Variants in TMEM132B observed in about 807,000 individuals in gnomAD.
The protein encoded by TMEM132B is transmembrane protein 132B.
In TMEM132B, 18 loss-of-function variants were observed where a neutral mutation model predicts 90.8. The observed-to-expected ratio is 0.20, with a 90% confidence interval of 0.14 to 0.29. TMEM132B has a LOEUF of 0.29. Among genes scored for constraint, TMEM132B ranks in the 10% least tolerant of loss-of-function variants. The pLI, the probability that TMEM132B is intolerant of heterozygous loss-of-function variation, is 1.00. For synonymous variants in TMEM132B, 504 were observed against 523.3 expected, an observed-to-expected ratio of 0.96 and a Z score of 0.50; for missense variants, 1,096 against 1,326.8, an observed-to-expected ratio of 0.83 and a Z score of 2.70.
At chr12:125,380,247 C>G (rs1489995362) in intron 2 of TMEM132B, among the ~76,000 whole-genome samples, 1 of 152,064 alleles carries the variant, frequency 6.6e-6, no homozygotes, top group Non-Finnish European at 1.5e-5. Context: ...CTTGGAGATC[C>G]CTGGCTTGTG....
intron 1 of TMEM132B, among the ~76,000 whole-genome samples, chr12:125,345,222 T>C (rs991466300): frequency 6.6e-6 from 1 of 152,120 alleles, no homozygotes; most frequent in African/African-American, 2.4e-5. Flanking sequence ...TTGTGTGAAT[T>C]AGAGGAGACT....
Position 125,190,282 on chromosome 12 carries a change from A to T in TMEM132B, c.67+3416A>T, listed in dbSNP as rs369635290. Reference sequence around the variant, plus strand: ...TAGGGAACTGTGACTCCATACAAGGATCCCAAGGTCATGAGAATGACAGCC... The same window carrying T: ...TAGGGAACTGTGACTCCATACAAGGTTCCCAAGGTCATGAGAATGACAGCC... On this transcript the variant is annotated intron_variant, in intron 1 of 8. Transcript: ENST00000682704. Among the ~76,000 whole-genome samples the T allele has an allele frequency of 4.3e-4, 66 of 152,300 alleles. 1 individual carries two copies. The South Asian group carries it at 0.012, about 28-fold the overall frequency.
Position 125,458,059 on chromosome 12 carries a change from G to C in TMEM132B, c.1106+42382G>C, listed in dbSNP as rs1881340950. Among the ~76,000 whole-genome samples, 1 of 152,120 alleles carries C rather than the reference G, an allele frequency of 6.6e-6. No individual in the cohort carries two copies. The highest frequency in any genetic ancestry group is 2.4e-5 in the African/African-American group (1 of 41,428). On this transcript the variant is annotated intron_variant, in intron 3 of 8. Transcript: ENST00000682704. The surrounding 1 kb of genome is among the most constrained non-coding windows in gnomAD (Gnocchi z 4.9). ...GGTTTGAAGAAGGAGGCAGAGGGTG[G>C]TCATGAGGCAAGGTGAGTAAGGTGT...
At chr12:125,648,530 G>GTTTT (rs60114108) in intron 6 of TMEM132B, among the ~76,000 whole-genome samples, 1 of 132,506 alleles carries the variant, frequency 7.5e-6, no homozygotes, top group Non-Finnish European at 1.7e-5. Flanking sequence ...AAGATCTCCT[G>GTTTT]TTTTTTTTTT....
chr12:125,432,745 C>T (rs79411961), intron 3 of TMEM132B, among the ~76,000 whole-genome samples: 15,383 of 151,870 alleles, frequency 0.1, 903 homozygotes, highest in Middle Eastern at 0.2. Flanking sequence ...AACTGACAAG[C>T]ACTGGCTCAT....
At chr12:125,623,692 AT>A (rs1886165366) in intron 5 of TMEM132B, among the ~76,000 whole-genome samples, 1 of 152,094 alleles carries the variant, frequency 6.6e-6, no homozygotes, top group Admixed American at 6.5e-5. Flanking sequence ...TAATCATTGT[AT>A]TTTACAATAT....
chr12:125,288,616 T>C (rs1245524573), intron 1 of TMEM132B, among the ~76,000 whole-genome samples: 1 of 152,172 alleles, frequency 6.6e-6, no homozygotes, highest in African/African-American at 2.4e-5. Context: ...ATTCTTGGAA[T>C]CACATCTAGG....
At chr12:125,363,338 A>T (rs1178695875) in intron 2 of TMEM132B, among the ~76,000 whole-genome samples, 1 of 152,140 alleles carries the variant, frequency 6.6e-6, no homozygotes, top group Non-Finnish European at 1.5e-5. Flanking sequence ...TGAAGCCCTG[A>T]TGGGTACAGT....
chr12:125,548,291 G>A (rs1476528544), intron 4 of TMEM132B, among the ~76,000 whole-genome samples: 1 of 152,164 alleles, frequency 6.6e-6, no homozygotes, highest in Non-Finnish European at 1.5e-5. Context: ...CCATTGGAGG[G>A]TCAGGAAATA....
rs200125483 is a variant in TMEM132B, at chr12:125,348,215, G to A, written c.68-1237G>A. Among the ~76,000 whole-genome samples, 5 of 135,742 alleles carry A rather than the reference G, an allele frequency of 3.7e-5. No homozygotes were observed. The East Asian group carries it at 1.1e-3, about 29-fold the overall frequency. 89.1% of individuals were successfully genotyped at this position (135,742 alleles called of 152,430 possible). A position where few individuals can be genotyped will look rare whatever the true frequency, so the allele number is the denominator to read the frequency against. ...AGAAATAGTTTCATATTATTCCACT[G>A]TAAATGTTTAGTTTCCTGTTGATCA... On this transcript the variant is annotated intron_variant, in intron 1 of 8. Coordinates refer to ENST00000682704, the MANE Select transcript of TMEM132B (RefSeq NM_001366854.1).
intron 1 of TMEM132B, among the ~76,000 whole-genome samples, chr12:125,275,955 C>A (rs764890282): frequency 7.2e-5 from 11 of 152,160 alleles, no homozygotes; most frequent in Non-Finnish European, 1.3e-4. Flanking sequence ...CTTAAGCAAT[C>A]CTCCTGCCTC....
At chr12:125,308,804 G>A (rs541308416) in intron 1 of TMEM132B, among the ~76,000 whole-genome samples, 1 of 152,044 alleles carries the variant, frequency 6.6e-6, no homozygotes, top group South Asian at 2.1e-4. Context: ...AAACATTGAA[G>A]TTCTCTTTTG....
intron 5 of TMEM132B, among the ~76,000 whole-genome samples, chr12:125,603,908 G>A (rs951173048): frequency 1.3e-5 from 2 of 152,178 alleles, no homozygotes; most frequent in Admixed American, 6.5e-5. Flanking sequence ...ACCATCTCAT[G>A]CTAGTCAGAA....
intron 1 of TMEM132B, among the ~76,000 whole-genome samples, chr12:125,207,686 C>T (rs1156637715): frequency 6.6e-6 from 1 of 152,212 alleles, no homozygotes; most frequent in Non-Finnish European, 1.5e-5. Context: ...ATCTCTGGAA[C>T]TTTTTCATTT....
chr12:125,373,110 C>A (rs1878348994), intron 2 of TMEM132B, among the ~76,000 whole-genome samples: 1 of 152,228 alleles, frequency 6.6e-6, no homozygotes, highest in Admixed American at 6.5e-5. Flanking sequence ...ACTTATTTGT[C>A]ATCTGTTTCC....
At position 125,277,790 on chromosome 12, in the gene TMEM132B, TAAC is replaced by T. The variant is rs1289430725; in HGVS notation, c.68-71658_68-71656del. The stretch of plus-strand genomic sequence containing the variant: ...ATTTGTTGTGGCAGCTCTGGGGAGC[TAAC>T]AACGACGTTAAAAAAAGTTGGACAA... On this transcript the variant is annotated intron_variant, in intron 1 of 8. Transcript: ENST00000682704. This position sits in a 1 kb window ranked among gnomAD's most constrained non-coding sequence, Gnocchi z 4.3. 6.6e-6 allele frequency among the ~76,000 whole-genome samples: 1 copy of T among 152,176 alleles called. No homozygotes were observed. The highest frequency in any genetic ancestry group is 1.9e-4 in the East Asian group (1 of 5,198).
intron 1 of TMEM132B, among the ~76,000 whole-genome samples, chr12:125,279,717 A>G (rs1218467781): frequency 1.3e-5 from 2 of 152,200 alleles, no homozygotes; most frequent in African/African-American, 2.4e-5. Context: ...AGCCTTAGTC[A>G]TAAGTCCAAC....
intron 1 of TMEM132B, among the ~76,000 whole-genome samples, chr12:125,297,795 A>G (rs1875708950): frequency 6.6e-6 from 1 of 151,998 alleles, no homozygotes; most frequent in African/African-American, 2.4e-5. Context: ...GGACCCATAA[A>G]TGAAGGGGGA....
At chr12:125,396,933 A>G (rs2136312921) in intron 2 of TMEM132B, among the ~76,000 whole-genome samples, 1 of 151,554 alleles carries the variant, frequency 6.6e-6, no homozygotes, top group African/African-American at 2.4e-5. Context: ...CTTTAACATC[A>G]CTGTTGTAGA....
Sources: gnomAD v4.1 joint callset for allele counts (sites outside exome capture counted in the v4.1 genomes callset) on GRCh38, gnomAD v4.1.1 for gene constraint, Gnocchi (gnomAD v3.1) non-coding constraint, MANE v1.5 for transcripts, NCBI Gene and HGNC (gene_info 2026-07-23, HGNC 2026-07-21) for gene names.